Variants in GABRR2 observed in about 807,000 individuals in gnomAD.
GABRR2 encodes the protein gamma-aminobutyric acid type A receptor subunit rho2, also known as gamma-aminobutyric acid receptor subunit rho-2.
In GABRR2, 36 loss-of-function variants were observed where a neutral mutation model predicts 47.0. The observed-to-expected ratio is 0.77, with a 90% CI of 0.59 to 1.01. The LOEUF is 1.01. GABRR2 is among the 50% of genes least tolerant of loss of function. The probability of loss-of-function intolerance (pLI) is 0.00; values close to 1 mark genes in which losing one functional copy is unlikely to be tolerated. For synonymous variants in GABRR2, 204 were observed against 227.5 expected (o/e 0.90, Z 0.93); for missense variants, 587 against 594.6 (o/e 0.99, Z 0.13).
chr6:89,314,081 C>A, intron 1 of GABRR2, among the ~76,000 whole-genome samples: 1 of 143,320 alleles, frequency 7.0e-6, no homozygotes, highest in Non-Finnish European at 1.5e-5. Flanking sequence ...ATATTTATAA[C>A]AGCACATGTA....
At chr6:89,295,381 C>T (rs1774536213) in intron 2 of GABRR2, among the ~76,000 whole-genome samples, 1 of 152,238 alleles carries the variant, frequency 6.6e-6, no homozygotes, top group African/African-American at 2.4e-5. Flanking sequence ...TTGCATTTCT[C>T]TGATGGCCAG....
intron 2 of GABRR2, among the ~76,000 whole-genome samples, chr6:89,284,064 G>A (rs1774295574): frequency 2.0e-5 from 3 of 152,256 alleles, no homozygotes; most frequent in African/African-American, 7.2e-5. Context: ...GTTGTTTCAA[G>A]AGAGAGGGTC....
intron 2 of GABRR2, among the ~76,000 whole-genome samples, chr6:89,282,222 G>C (rs1774264706): frequency 6.6e-6 from 1 of 152,116 alleles, no homozygotes; most frequent in Admixed American, 6.5e-5. Flanking sequence ...GAGATCTTGG[G>C]CTCCCTCACA....
intron 2 of GABRR2, among the ~76,000 whole-genome samples, chr6:89,273,123 A>G (rs1298320121): frequency 6.6e-6 from 1 of 152,048 alleles, no homozygotes; most frequent in East Asian, 1.9e-4. Flanking sequence ...CAATGCTTTA[A>G]TTTTTCCCTC....
Position 89,291,663 on chromosome 6 carries a change from C to A in GABRR2, c.220+8096G>T, listed in dbSNP as rs150508160. 5.2e-3 allele frequency among the ~76,000 whole-genome samples: 798 copies of A among 152,282 alleles called. 5 individuals are homozygous for A. The highest frequency in any genetic ancestry group is 8.2e-3 in the Admixed American group (126 of 15,290). On this transcript the variant is annotated intron_variant, in intron 2 of 8. Transcript: ENST00000402938. ...GATGCAGGCTTCTGCAATCTCCTCT[C>A]GGGGCAGAACTGAGCATTCCCTCCT...
At chr6:89,277,871 G>GGGT (rs1422701876) in intron 2 of GABRR2, among the ~76,000 whole-genome samples, 7 of 140,284 alleles carry the variant, frequency 5.0e-5, no homozygotes, top group Admixed American at 1.4e-4. Flanking sequence ...GCGGGGGTGG[G>GGGT]GGGGGGTGGG....
intron 1 of GABRR2, among the ~76,000 whole-genome samples, chr6:89,308,902 G>A (rs149838435): frequency 2.0e-5 from 3 of 152,300 alleles, no homozygotes; most frequent in Admixed American, 6.5e-5. Flanking sequence ...TATATTCACG[G>A]TCCTCACAGG....
chr6:89,307,465 T>C (rs1767588423), intron 1 of GABRR2, among the ~76,000 whole-genome samples: 1 of 152,196 alleles, frequency 6.6e-6, no homozygotes, highest in Non-Finnish European at 1.5e-5. Flanking sequence ...CCCTAGAGAT[T>C]TGAATTTGAC....
rs1374113913 is a variant in GABRR2, at chr6:89,299,857, T to C, written c.122A>G (p.Tyr41Cys). 1.2e-6 allele frequency: 2 copies of C among 1,607,574 alleles called. No individual in the cohort carries two copies. The highest frequency in any genetic ancestry group is 2.2e-5 in the East Asian group (1 of 44,862). Residue 41 changes from tyrosine (Y) to cysteine (C), a missense_variant, in exon 2 of 9, where the codon TAT becomes TGT. Physicochemically the swap from Tyr to Cys is radical, Grantham distance 194. Coordinates refer to ENST00000402938, the MANE Select transcript of GABRR2 (RefSeq NM_002043.5). ...CTTGGTCACATCAAGGTTCTTCTTA[T>C]ATAAGTGACTGTGAAGACAAGCAAG... ...QVEMPKPSHLYKKNLDVTKIR... is the reference protein window; with the variant it reads ...QVEMPKPSHLCKKNLDVTKIR...
In GABRR2 at chr6:89,261,314, A is replaced by G. The variant is rs187164284; in HGVS notation, c.1086+3098T>C. ...AACAAGTCAATTTTCTGAAGTAAAA[A>G]ATGTTTGACTAGAGCTTTAAAAATA... On this transcript the variant is annotated intron_variant, in intron 8 of 8. Transcript: ENST00000402938. 4.2e-3 allele frequency among the ~76,000 whole-genome samples: 641 copies of G among 152,346 alleles called. 9 individuals carry two copies. Among genetic ancestry groups the G allele is most frequent in the African/African-American group, 0.015 (617 of 41,572 alleles).
chr6:89,271,847 T>C (rs1408663808), intron 2 of GABRR2, 125 bp from the exon 3 acceptor site: 3 of 716,060 alleles, frequency 4.2e-6, no homozygotes, highest in Non-Finnish European at 7.3e-6. Context: ...TTTAGAATTC[T>C]ATGAGGGTTT....
chr6:89,265,372 C>T (rs945336720), intron 7 of GABRR2, among the ~76,000 whole-genome samples: 1 of 151,994 alleles, frequency 6.6e-6, no homozygotes, highest in Admixed American at 6.6e-5. Flanking sequence ...AAGTCTGTAC[C>T]CCAAATCTTT....
At position 89,291,693 on chromosome 6, in the gene GABRR2, C is replaced by T. The variant is rs138355403; in HGVS notation, c.220+8066G>A. Among the ~76,000 whole-genome samples the T allele has an allele frequency of 8.5e-5, 13 of 152,320 alleles. No individual in the cohort carries two copies. The East Asian group carries it at 2.5e-3, about 29-fold the overall frequency. On this transcript the variant is annotated intron_variant, in intron 2 of 8. Transcript: ENST00000402938. ...CAGAACTGAGCATTCCCTCCTTTCT[C>T]TTACTCCATCAGTAGAGACACCCTA...
chr6:89,297,101 G>A (rs186554824), intron 2 of GABRR2, among the ~76,000 whole-genome samples: 12 of 152,250 alleles, frequency 7.9e-5, no homozygotes, highest in South Asian at 4.2e-4. Context: ...GCACGGCCAC[G>A]TTATGACTTT....
chr6:89,300,498 C>CAA (rs34085480), intron 1 of GABRR2, among the ~76,000 whole-genome samples: 7 of 145,086 alleles, frequency 4.8e-5, no homozygotes, highest in Non-Finnish European at 4.5e-5. Context: ...GACTCTGTCG[C>CAA]AAAAAAAAAC....
chr6:89,276,255 A>G (rs1052858812), intron 2 of GABRR2, among the ~76,000 whole-genome samples: 1 of 151,258 alleles, frequency 6.6e-6, no homozygotes, highest in Non-Finnish European at 1.5e-5. Context: ...AAACAGATCC[A>G]TAGGGGTCTT....
intron 2 of GABRR2, among the ~76,000 whole-genome samples, chr6:89,286,748 G>A (rs1774340183): frequency 6.6e-6 from 1 of 152,144 alleles, no homozygotes; most frequent in Admixed American, 6.5e-5. Context: ...CAGAGGAGGG[G>A]CTGTGTGGGA....
intron 2 of GABRR2, among the ~76,000 whole-genome samples, chr6:89,283,153 T>G (rs1774278737): frequency 3.9e-5 from 6 of 152,110 alleles, no homozygotes; most frequent in African/African-American, 1.4e-4. Context: ...TTCTGTGAAT[T>G]GCCCGTTTCT....
chr6:89,272,159 A>ATT (rs1774066475), intron 2 of GABRR2, among the ~76,000 whole-genome samples: 1 of 152,214 alleles, frequency 6.6e-6, no homozygotes, highest in Non-Finnish European at 1.5e-5. Flanking sequence ...GTCTGAATTC[A>ATT]TTCAGTCATT....
Sources: allele counts gnomAD v4.1 joint callset (sites outside exome capture counted in the v4.1 genomes callset), GRCh38; gene constraint gnomAD v4.1.1; transcripts MANE v1.5; gene names NCBI Gene and HGNC (gene_info 2026-07-23, HGNC 2026-07-21).